The following B4GALNT2 variants were observed in gnomAD, a reference collection of about 807,000 sequenced individuals.
B4GALNT2 encodes beta-1,4-N-acetyl-galactosaminyltransferase 2 (SID blood group).
B4GALNT2 carries 42 observed loss-of-function variants against 51.1 expected under a neutral mutation model. That is an observed-to-expected ratio of 0.82 (90% confidence interval 0.64 to 1.06). The LOEUF (loss-of-function observed/expected upper bound fraction) is 1.06, where lower values mean the gene tolerates loss of function less well. Among genes scored for constraint, B4GALNT2 ranks in the 50% least tolerant of loss-of-function variants. The probability of loss-of-function intolerance (pLI) is 0.00; values close to 1 mark genes in which losing one functional copy is unlikely to be tolerated. For synonymous variants in B4GALNT2, 253 were observed against 251.7 expected (o/e 1.01, Z -0.05); for missense variants, 602 against 633.6 (o/e 0.95, Z 0.54).
At chr17:49,132,913 A>T (rs1311581792) in intron 1 of B4GALNT2, 107 bp downstream of exon 1, 4 of 1,376,816 alleles carry the variant, frequency 2.9e-6, no homozygotes, top group Non-Finnish European at 3.8e-6. Flanking sequence ...GGGGACGCAG[A>T]CGCCGGAGCC....
intron 8 of B4GALNT2, 143 bp from the exon 9 acceptor site, chr17:49,165,971 T>C: frequency 1.1e-6 from 1 of 948,844 alleles, no homozygotes; most frequent in Admixed American, 2.7e-5. Flanking sequence ...CAGCCTTGGC[T>C]GCACACTGGA....
chr17:49,139,491 G>A (rs572819626), intron 1 of B4GALNT2, among the ~76,000 whole-genome samples: 50 of 152,238 alleles, frequency 3.3e-4, no homozygotes, highest in Non-Finnish European at 6.0e-4. Flanking sequence ...CCCCCAAAGT[G>A]CTGGGATTAC....
chr17:49,147,495 C>T (rs2042706628), intron 3 of B4GALNT2, among the ~76,000 whole-genome samples: 1 of 151,986 alleles, frequency 6.6e-6, no homozygotes, highest in Admixed American at 6.6e-5. Context: ...CCACCTCAGC[C>T]TCCCAAATAG....
chr17:49,155,357 C>A (rs911921040), intron 4 of B4GALNT2, among the ~76,000 whole-genome samples: 21 of 142,006 alleles, frequency 1.5e-4, no homozygotes, highest in Non-Finnish European at 2.6e-4. Flanking sequence ...AATCCCAGCA[C>A]TTTGGGAGGC....
At chr17:49,131,832 C>T (rs1372518244), upstream of B4GALNT2, among the ~76,000 whole-genome samples, 16 of 152,134 alleles carry the variant, frequency 1.1e-4, no homozygotes, top group East Asian at 1.4e-3. Context: ...GCATTTTGCA[C>T]GCCATATTTA....
rs2042950184 is a variant in B4GALNT2, at chr17:49,170,358, G to A, written c.*630G>A. ...TTAGGAGCCTGAAAGCAGACATTCA[G>A]GCATCAGAGAGGGTAGGAGGGCCCT... On this transcript the variant is annotated 3_prime_UTR_variant, in exon 11 of 11. Coordinates refer to ENST00000393354, the MANE Select transcript of B4GALNT2 (RefSeq NM_001159387.2). 1 of 152,524 alleles carries A rather than the reference G, an allele frequency of 6.6e-6. No homozygotes were observed. Among genetic ancestry groups the A allele is most frequent in the South Asian group, 2.1e-4 (1 of 4,824 alleles). 9.4% of individuals were successfully genotyped at this position (152,524 alleles called of 1,614,324 possible).
chr17:49,150,670 A>G (rs202023452), intron 3 of B4GALNT2, among the ~76,000 whole-genome samples: 20,262 of 149,588 alleles, frequency 0.14, 1,473 homozygotes, highest in Middle Eastern at 0.19. Context: ...ACTCAGGGTT[A>G]AATGGATTAA....
rs189606108 is a variant in B4GALNT2, at chr17:49,134,429, C to T, written c.14+1623C>T. On this transcript the variant is annotated intron_variant, in intron 1 of 10. Coordinates refer to ENST00000393354, the MANE Select transcript of B4GALNT2 (RefSeq NM_001159387.2). ...ATATTATTATCATTATTTTGAGATG[C>T]AGTCTTGCTCCATCACCCAGGCTGG... Among the ~76,000 whole-genome samples, 33 of 152,276 alleles carry T rather than the reference C, an allele frequency of 2.2e-4. 1 individual carries two copies. The highest frequency in any genetic ancestry group is 1.8e-3 in the Admixed American group (28 of 15,292).
At chr17:49,154,427 A>G (rs1457786489) in intron 4 of B4GALNT2, among the ~76,000 whole-genome samples, 3 of 152,080 alleles carry the variant, frequency 2.0e-5, no homozygotes, top group Admixed American at 2.0e-4. Context: ...CAGAGGGACC[A>G]GAAGGATGAG....
At chr17:49,137,502 G>A (rs1478154848) in intron 1 of B4GALNT2, among the ~76,000 whole-genome samples, 1 of 152,110 alleles carries the variant, frequency 6.6e-6, no homozygotes, top group African/African-American at 2.4e-5. Context: ...CCTGGATCTT[G>A]GATTTGCCAG....
chr17:49,147,888 T>C lies in B4GALNT2; in HGVS notation c.354-4912T>C, dbSNP rs1336209169. 3.3e-5 allele frequency among the ~76,000 whole-genome samples: 5 copies of C among 152,070 alleles called. No individual in the cohort carries two copies. The South Asian group carries it at 1.0e-3, about 32-fold the overall frequency. On this transcript the variant is annotated intron_variant, in intron 3 of 10. Coordinates refer to ENST00000393354, the MANE Select transcript of B4GALNT2 (RefSeq NM_001159387.2). ...GTGTATATATATCCATATAAACATATACTGTTGGTTTTTTGTGTATTTTAG... is the reference window on the plus strand; with the variant it reads ...GTGTATATATATCCATATAAACATACACTGTTGGTTTTTTGTGTATTTTAG...
chr17:49,138,807 G>T (rs1473566754), intron 1 of B4GALNT2, among the ~76,000 whole-genome samples: 8 of 152,194 alleles, frequency 5.3e-5, no homozygotes, highest in African/African-American at 1.9e-4. Context: ...AACCCAGGAG[G>T]TGGAGGTTGC....
chr17:49,145,270 T>C (rs1191173960), intron 3 of B4GALNT2, among the ~76,000 whole-genome samples: 2 of 152,192 alleles, frequency 1.3e-5, no homozygotes, highest in East Asian at 3.8e-4. Context: ...ATGCCTAACA[T>C]AATACAACTA....
chr17:49,125,527 T>C, the B4GALNT2 span, among the ~76,000 whole-genome samples: 2 of 152,126 alleles, frequency 1.3e-5, no homozygotes, highest in Non-Finnish European at 2.9e-5. Context: ...AGATAAGGTC[T>C]GACTTATCCC....
rs113070956 is a variant in B4GALNT2, at chr17:49,172,401, G to A, written c.*2673G>A. 0.11 allele frequency: 17,510 copies of A among 154,120 alleles called. 1,184 individuals carry two copies. Among genetic ancestry groups the A allele is most frequent in the South Asian group, 0.18 (952 of 5,158 alleles). 9.5% of individuals were successfully genotyped at this position (154,120 alleles called of 1,614,324 possible). A position where few individuals can be genotyped will look rare whatever the true frequency, so the allele number is the denominator to read the frequency against. The stretch of plus-strand genomic sequence containing the variant: ...TATTTTACCTATTTCCCAACTTTTT[G>A]TTATTGTATCTCTCCACCAAACCAG... On this transcript the variant is annotated 3_prime_UTR_variant, in exon 11 of 11. Transcript: ENST00000393354.
chr17:49,123,526 G>A, the B4GALNT2 span, among the ~76,000 whole-genome samples: 2 of 152,122 alleles, frequency 1.3e-5, no homozygotes, highest in Non-Finnish European at 2.9e-5. Flanking sequence ...GACAAATCAT[G>A]GTAGGAATGG....
chr17:49,120,908 C>T, the B4GALNT2 span, among the ~76,000 whole-genome samples: 790 of 152,218 alleles, frequency 5.2e-3, 6 homozygotes, highest in Non-Finnish European at 8.1e-3. Flanking sequence ...GAACCTTCCC[C>T]ACGATTGAGG....
chr17:49,164,907 G>C (rs1390919428), intron 8 of B4GALNT2, among the ~76,000 whole-genome samples: 1 of 152,038 alleles, frequency 6.6e-6, no homozygotes, highest in Non-Finnish European at 1.5e-5. Context: ...AACCTTAAAG[G>C]CTCAAGTGAT....
At position 49,168,747 on chromosome 17, in the gene B4GALNT2, G is replaced by T. The variant is rs1257742244; in HGVS notation, c.1162G>T (p.Ala388Ser). ...KLLLEQSENG[A>S]CLHKRMGFFQ... The stretch of plus-strand genomic sequence containing the variant: ...GTTGCTGGAACAGAGTGAGAATGGG[G>T]CCTGCCTTCACAAGAGGATGGGATT... Residue 388 changes from alanine (A) to serine (S), a missense_variant, in exon 10 of 11, where the codon GCC (alanine) becomes TCC (serine). Transcript: ENST00000393354. 6.2e-7 allele frequency: 1 copy of T among 1,614,072 alleles called. No homozygotes were observed.
Sources: gnomAD v4.1 joint callset for allele counts (sites outside exome capture counted in the v4.1 genomes callset) on GRCh38, gnomAD v4.1.1 for gene constraint, MANE v1.5 for transcripts, NCBI Gene and HGNC (gene_info 2026-07-23, HGNC 2026-07-21) for gene names.